Variants in SUGCT observed in about 807,000 individuals in gnomAD.
The protein encoded by SUGCT is succinyl-CoA:glutarate CoA-transferase.
A neutral mutation model predicts 55.0 loss-of-function variants in SUGCT; 41 were observed. That is an observed-to-expected ratio of 0.74 (90% CI 0.58 to 0.97). The LOEUF is 0.97. SUGCT is among the 50% of genes least tolerant of loss of function. SUGCT has a pLI of 0.00. For synonymous variants in SUGCT, 187 were observed against 200.4 expected, an observed-to-expected ratio of 0.93 and a Z score of 0.56; for missense variants, 568 against 547.8, an observed-to-expected ratio of 1.04 and a Z score of -0.37.
chr7:40,699,086 G>T (rs886484952), intron 12 of SUGCT, among the ~76,000 whole-genome samples: 10 of 152,076 alleles, frequency 6.6e-5, no homozygotes, highest in Non-Finnish European at 4.4e-5. Flanking sequence ...GGTGGGGGAG[G>T]CACAGAATTC....
At chr7:40,745,212 G>A (rs1343070818) in intron 12 of SUGCT, among the ~76,000 whole-genome samples, 2 of 152,092 alleles carry the variant, frequency 1.3e-5, no homozygotes, top group Admixed American at 1.3e-4. Flanking sequence ...ATTTTGATAT[G>A]TGTAAGGACA....
At chr7:40,628,600 A>G (rs1232756675) in intron 12 of SUGCT, among the ~76,000 whole-genome samples, 3 of 152,238 alleles carry the variant, frequency 2.0e-5, no homozygotes, top group East Asian at 3.8e-4. Context: ...CAACAACTGC[A>G]AGTTTAAATG....
chr7:40,708,975 T>C (rs554865730), intron 12 of SUGCT, among the ~76,000 whole-genome samples: 1 of 152,332 alleles, frequency 6.6e-6, no homozygotes, highest in East Asian at 1.9e-4. Context: ...GCCTAGAACA[T>C]AGAGGAGCAG....
chr7:40,988,112 C>T, the SUGCT span, among the ~76,000 whole-genome samples: 1 of 151,796 alleles, frequency 6.6e-6, no homozygotes, highest in South Asian at 2.1e-4. Flanking sequence ...ATAGGCTCTC[C>T]AGAGTCAAGT....
intron 12 of SUGCT, among the ~76,000 whole-genome samples, chr7:40,567,546 T>G (rs1296211548): frequency 6.6e-6 from 1 of 152,254 alleles, no homozygotes; most frequent in Non-Finnish European, 1.5e-5. Context: ...TCTAGCACTC[T>G]GGGCATTTCA....
At chr7:40,847,407 C>CTTTTTTTTTTTTTTTTTTTTTTTTT (rs1338885686) in intron 13 of SUGCT, among the ~76,000 whole-genome samples, 3 of 117,854 alleles carry the variant, frequency 2.5e-5, no homozygotes, top group East Asian at 4.9e-4. Context: ...TCTTTTCTTT[C>CTTTTTTTTTTTTTTTTTTTTTTTTT]TTTCTTTTTT....
Position 40,409,307 on chromosome 7 carries a change from G to A in SUGCT, c.817-39980G>A, listed in dbSNP as rs182130370. Among the ~76,000 whole-genome samples the A allele has an allele frequency of 8.6e-5, 13 of 151,292 alleles. 1 individual carries two copies. The East Asian group carries it at 2.2e-3, about 25-fold the overall frequency. ...GAGACAGGGTCTTGCTCTGTTGCCCGGGCTGTATTGCAATGGTGCGATCAT... is the reference window on the plus strand; with the variant it reads ...GAGACAGGGTCTTGCTCTGTTGCCCAGGCTGTATTGCAATGGTGCGATCAT... On this transcript the variant is annotated intron_variant, in intron 9 of 13. Transcript: ENST00000335693.
intron 12 of SUGCT, among the ~76,000 whole-genome samples, chr7:40,715,472 C>T (rs1159831458): frequency 6.6e-6 from 1 of 152,164 alleles, no homozygotes; most frequent in African/African-American, 2.4e-5. Context: ...CTCCATCCAT[C>T]AGTTGCCCTC....
At chr7:40,137,618 G>T (rs1167410429) in intron 1 of SUGCT, among the ~76,000 whole-genome samples, 1 of 152,100 alleles carries the variant, frequency 6.6e-6, no homozygotes, top group Non-Finnish European at 1.5e-5. Flanking sequence ...AGATAAAAGT[G>T]ACCAATAAAA....
rs374114392 is a variant in SUGCT at position 40,274,686 on chromosome 7, G to A, written c.720+30G>A. ...CAATCCAACTAACATTTCAGATAATGTTATAAAAACTGTGTCTGGGTTATA... is the reference window on the plus strand; with the variant it reads ...CAATCCAACTAACATTTCAGATAATATTATAAAAACTGTGTCTGGGTTATA... On this transcript the variant is annotated intron_variant, in intron 8 of 13. Coordinates refer to ENST00000335693, the MANE Select transcript of SUGCT (RefSeq NM_001193313.2). 9.3e-6 allele frequency: 15 copies of A among 1,608,352 alleles called. No individual in the cohort carries two copies. In the African/African-American group the frequency reaches 1.3e-4, roughly 14 times the overall value.
At chr7:40,227,934 G>C (rs1235677502) in intron 6 of SUGCT, among the ~76,000 whole-genome samples, 1 of 151,776 alleles carries the variant, frequency 6.6e-6, no homozygotes, top group South Asian at 2.1e-4. Context: ...CCAGGCTGGA[G>C]TGCAATGGCA....
chr7:40,242,613 T>C (rs1050400526), intron 7 of SUGCT, among the ~76,000 whole-genome samples: 4 of 151,900 alleles, frequency 2.6e-5, no homozygotes, highest in South Asian at 2.1e-4. Context: ...TGCAGAATGA[T>C]CCTGATGTCT....
the SUGCT span, among the ~76,000 whole-genome samples, chr7:41,026,490 A>G: frequency 1.3e-5 from 2 of 152,210 alleles, no homozygotes; most frequent in Non-Finnish European, 2.9e-5. Context: ...GGCTGCATTC[A>G]TCTTGACACT....
intron 11 of SUGCT, among the ~76,000 whole-genome samples, chr7:40,488,442 A>G (rs1791505741): frequency 6.6e-6 from 1 of 152,134 alleles, no homozygotes. Flanking sequence ...TTAACGAATT[A>G]TCATAGTTGT....
intron 12 of SUGCT, among the ~76,000 whole-genome samples, chr7:40,713,774 T>C (rs551624008): frequency 6.6e-6 from 1 of 152,312 alleles, no homozygotes; most frequent in South Asian, 2.1e-4. Flanking sequence ...GAAAATTGTT[T>C]GGATTATTCC....
intron 10 of SUGCT, among the ~76,000 whole-genome samples, chr7:40,456,404 AT>A (rs747427130): frequency 6.6e-6 from 1 of 152,150 alleles, no homozygotes; most frequent in Non-Finnish European, 1.5e-5. Context: ...TACACCTGAA[AT>A]TGTTCATATT....
rs374792293 is a variant in SUGCT, at chr7:40,239,464, A to G, written c.576+1738A>G. On this transcript the variant is annotated intron_variant, in intron 7 of 13. Transcript: ENST00000335693. ...CATTTCTCTCATTGCTCAATTCCATAGGCTCTCATGTGGCCAAGACATTCT... is the reference window on the plus strand; with the variant it reads ...CATTTCTCTCATTGCTCAATTCCATGGGCTCTCATGTGGCCAAGACATTCT... Among the ~76,000 whole-genome samples the G allele has an allele frequency of 6.3e-4, 96 of 152,312 alleles. 2 individuals carry two copies. In the South Asian group the frequency reaches 0.019, roughly 31 times the overall value.
At chr7:40,298,471 G>C (rs1794316687) in intron 8 of SUGCT, among the ~76,000 whole-genome samples, 1 of 152,150 alleles carries the variant, frequency 6.6e-6, no homozygotes, top group African/African-American at 2.4e-5. Flanking sequence ...TAGGACCTTG[G>C]AAGTGGTTTT....
intron 9 of SUGCT, among the ~76,000 whole-genome samples, chr7:40,368,557 A>G (rs1388964563): frequency 6.6e-6 from 1 of 152,154 alleles, no homozygotes; most frequent in Non-Finnish European, 1.5e-5. Context: ...TGATCACTGC[A>G]TAGACTTGGA....
Sources: gnomAD v4.1 joint callset for allele counts (sites outside exome capture counted in the v4.1 genomes callset) on GRCh38, gnomAD v4.1.1 for gene constraint, MANE v1.5 for transcripts, NCBI Gene and HGNC (gene_info 2026-07-23, HGNC 2026-07-21) for gene names.